Variants in CCDC7 observed in about 807,000 individuals in gnomAD.
The protein encoded by CCDC7 is coiled-coil domain-containing protein 7.
Under a neutral mutation model 196.9 loss-of-function variants are expected in CCDC7, and 183 were observed. The observed-to-expected ratio is 0.93, with a 90% CI of 0.82 to 1.05. The LOEUF is 1.05. Among genes scored for constraint, CCDC7 ranks in the 50% least tolerant of loss-of-function variants. CCDC7 has a pLI of 0.00. For missense variants in CCDC7, 1,540 were observed against 1,482.2 expected, an observed-to-expected ratio of 1.04 and a Z score of -0.64; for synonymous variants, 525 against 484.6, an observed-to-expected ratio of 1.08 and a Z score of -1.10.
intron 7 of CCDC7, among the ~76,000 whole-genome samples, chr10:32,473,129 A>T (rs1452175060): frequency 6.6e-6 from 1 of 152,224 alleles, no homozygotes; most frequent in Non-Finnish European, 1.5e-5. Flanking sequence ...TTTACAGCTT[A>T]GTAAGGATAC....
Position 32,658,224 on chromosome 10 carries a change from G to A in CCDC7, c.2015-5830G>A, listed in dbSNP as rs1051404544. ...ATCTTTATGGCAGTGCCTCACTACT[G>A]TGGTACCAATTTACTATATTAGTTC... On this transcript the variant is annotated intron_variant, in intron 20 of 41. Coordinates refer to ENST00000639629, the Ensembl canonical transcript of CCDC7. Among the ~76,000 whole-genome samples, 4 of 152,116 alleles carry A rather than the reference G, an allele frequency of 2.6e-5. No individual in the cohort carries two copies. The East Asian group carries it at 7.7e-4, about 29-fold the overall frequency.
chr10:32,535,037 G>A (rs747282839), intron 11 of CCDC7, among the ~76,000 whole-genome samples: 3 of 151,732 alleles, frequency 2.0e-5, no homozygotes, highest in East Asian at 2.0e-4. Context: ...CATGCTTGTC[G>A]CAGGACAGAA....
chr10:32,668,547 A>C (rs2073338457), intron 21 of CCDC7, among the ~76,000 whole-genome samples: 1 of 152,146 alleles, frequency 6.6e-6, no homozygotes, highest in Non-Finnish European at 1.5e-5. Flanking sequence ...ATGTCCCATC[A>C]ATACCTAATT....
At chr10:32,450,540 T>C (rs947606160), upstream of CCDC7, among the ~76,000 whole-genome samples, 2 of 152,146 alleles carry the variant, frequency 1.3e-5, no homozygotes, top group Non-Finnish European at 2.9e-5. Context: ...AATTTTGCCA[T>C]TGTACCTGAC....
chr10:32,845,173 CACAT>C, intron 33 of CCDC7, 66 bp from the exon 35 acceptor site: 1 of 869,922 alleles, frequency 1.1e-6, no homozygotes. Flanking sequence ...TATAATTAAA[CACAT>C]ACACATACTC....
At chr10:32,478,519 A>G (rs1228481302) in intron 8 of CCDC7, among the ~76,000 whole-genome samples, 1 of 152,162 alleles carries the variant, frequency 6.6e-6, no homozygotes, top group Non-Finnish European at 1.5e-5. Context: ...TTTTAAAATT[A>G]TGAGTAGGTG....
intron 41 of CCDC7, among the ~76,000 whole-genome samples, chr10:32,869,003 A>G (rs2136715091): frequency 6.6e-6 from 1 of 152,230 alleles, no homozygotes; most frequent in South Asian, 2.1e-4. Flanking sequence ...AGTCTTTGCT[A>G]TTGTGAATAG....
intron 26 of CCDC7, among the ~76,000 whole-genome samples, chr10:32,727,824 TTTGA>T (rs2132658454): frequency 6.6e-6 from 1 of 152,220 alleles, no homozygotes; most frequent in Non-Finnish European, 1.5e-5. Context: ...TATGCATAAG[TTTGA>T]TTGAATTGGA....
intron 13 of CCDC7, among the ~76,000 whole-genome samples, chr10:32,550,034 C>A (rs191764326): frequency 6.6e-6 from 1 of 152,232 alleles, no homozygotes; most frequent in East Asian, 1.9e-4. Context: ...ATTGATTCCA[C>A]CCATCCATGA....
At chr10:32,699,574 TG>T (rs1174677420) in intron 24 of CCDC7, among the ~76,000 whole-genome samples, 1 of 149,218 alleles carries the variant, frequency 6.7e-6, no homozygotes, top group Non-Finnish European at 1.5e-5. Context: ...TACCCAGTAA[TG>T]GGAGTGCTGG....
At chr10:32,688,917 T>C in intron 22 of CCDC7, 136 bp from the exon 24 acceptor site, 1 of 629,086 alleles carries the variant, frequency 1.6e-6, no homozygotes, top group Non-Finnish European at 2.9e-6. Flanking sequence ...TCATAGTAGA[T>C]ATAGCATTAT....
intron 21 of CCDC7, among the ~76,000 whole-genome samples, chr10:32,676,997 A>T (rs925868825): frequency 6.6e-6 from 1 of 150,726 alleles, no homozygotes; most frequent in Non-Finnish European, 1.5e-5. Context: ...AGACTGGATT[A>T]AGAAAATGTG....
intron 31 of CCDC7, among the ~76,000 whole-genome samples, chr10:32,821,074 A>G (rs2090082171): frequency 6.6e-6 from 1 of 152,224 alleles, no homozygotes; most frequent in Admixed American, 6.5e-5. Context: ...CCATCTGACA[A>G]AGGGCTAATA....
chr10:32,669,816 T>C (rs1176677168), intron 21 of CCDC7, among the ~76,000 whole-genome samples: 1 of 152,206 alleles, frequency 6.6e-6, no homozygotes, highest in African/African-American at 2.4e-5. Context: ...TTGTTGTTGT[T>C]GTTGTCCATA....
At chr10:32,645,503 CTT>C (rs35170235) in intron 20 of CCDC7, among the ~76,000 whole-genome samples, 9,906 of 65,670 alleles carry the variant, frequency 0.15, 428 homozygotes, top group East Asian at 0.32. Flanking sequence ...GAGTCCATGT[CTT>C]TTTTTTTTTT....
At chr10:32,729,359 A>T (rs746771385) in exon 28 of CCDC7, 6 of 1,563,368 alleles carry the variant, frequency 3.8e-6, no homozygotes, top group Non-Finnish European at 5.2e-6. Flanking sequence ...AAAAAAAAGG[A>T]TATATCACTT....
chr10:32,599,218 T>C (rs1026020775), intron 18 of CCDC7, among the ~76,000 whole-genome samples: 4 of 152,222 alleles, frequency 2.6e-5, no homozygotes, highest in African/African-American at 9.6e-5. Context: ...GATATTAGTG[T>C]AGCCATGCCA....
At chr10:32,599,551 T>G (rs923381938) in intron 18 of CCDC7, among the ~76,000 whole-genome samples, 1 of 152,160 alleles carries the variant, frequency 6.6e-6, no homozygotes, top group East Asian at 1.9e-4. Context: ...AGTGTAACAT[T>G]TTTTATTCTC....
At chr10:32,511,892 T>G in intron 9 of CCDC7, 1 of 614,192 alleles carries the variant, frequency 1.6e-6, no homozygotes, top group South Asian at 2.0e-5. Flanking sequence ...TACATACCAA[T>G]AAAGTGATTT....
Sources: allele counts gnomAD v4.1 joint callset (sites outside exome capture counted in the v4.1 genomes callset), GRCh38; gene constraint gnomAD v4.1.1; transcripts MANE v1.5; gene names NCBI Gene and HGNC (gene_info 2026-07-23, HGNC 2026-07-21).